The following ACACA variants were observed in gnomAD, a reference collection of about 807,000 sequenced individuals.
ACACA encodes acetyl-CoA carboxylase alpha.
ACACA carries 103 observed loss-of-function variants against 296.1 expected under a neutral mutation model. That is an observed-to-expected ratio of 0.35 (90% confidence interval 0.30 to 0.41). The LOEUF is 0.41. Ranked by LOEUF, ACACA falls within the 10% of genes least tolerant of loss-of-function variation. The pLI is 1.00. For synonymous variants in ACACA, 953 were observed against 1,038.6 expected, an observed-to-expected ratio of 0.92 and a Z score of 1.58; for missense variants, 1,554 against 2,989.7, an observed-to-expected ratio of 0.52 and a Z score of 11.20.
intron 1 of ACACA, among the ~76,000 whole-genome samples, chr17:37,346,105 G>C (rs981465097): frequency 1.3e-5 from 2 of 152,078 alleles, no homozygotes; most frequent in African/African-American, 2.4e-5. Context: ...AGGAAATACA[G>C]TTTTATAGTT....
At chr17:37,377,446 A>G (rs570309061) in intron 1 of ACACA, among the ~76,000 whole-genome samples, 2 of 152,040 alleles carry the variant, frequency 1.3e-5, no homozygotes, top group Admixed American at 6.6e-5. Context: ...GATCACCTGA[A>G]GTAAGGAGTT....
intron 52 of ACACA, among the ~76,000 whole-genome samples, chr17:37,099,474 G>C (rs2073193815): frequency 6.9e-6 from 1 of 145,438 alleles, no homozygotes. Context: ...GAGGGATGGA[G>C]GGCTGATGGG....
chr17:37,364,885 C>T (rs1018010120), intron 1 of ACACA, among the ~76,000 whole-genome samples: 1 of 152,178 alleles, frequency 6.6e-6, no homozygotes, highest in Non-Finnish European at 1.5e-5. Context: ...TTGGAAGTCC[C>T]ATTTTCTCCA....
intron 41 of ACACA, among the ~76,000 whole-genome samples, chr17:37,169,631 C>T (rs181023416): frequency 1.3e-5 from 2 of 151,996 alleles, no homozygotes; most frequent in African/African-American, 2.4e-5. Context: ...GATTTCATAT[C>T]GAAAATTCTA....
At chr17:37,371,066 G>A (rs956994137) in intron 1 of ACACA, among the ~76,000 whole-genome samples, 6 of 151,762 alleles carry the variant, frequency 4.0e-5, no homozygotes, top group Non-Finnish European at 5.9e-5. Context: ...TACATATATA[G>A]AGAGTTCAAT....
At chr17:37,395,887 A>G (rs1057456525) in intron 1 of ACACA, among the ~76,000 whole-genome samples, 4 of 152,234 alleles carry the variant, frequency 2.6e-5, no homozygotes, top group African/African-American at 9.6e-5. Context: ...ATACTTTTTG[A>G]TAGGCCCAAA....
chr17:37,364,960 G>C (rs2049554171), intron 1 of ACACA, among the ~76,000 whole-genome samples: 1 of 151,994 alleles, frequency 6.6e-6, no homozygotes, highest in African/African-American at 2.4e-5. Flanking sequence ...TAGCAATATG[G>C]TCATACCACA....
At chr17:37,224,039 T>TA (rs1445189723) in intron 27 of ACACA, among the ~76,000 whole-genome samples, 8 of 152,038 alleles carry the variant, frequency 5.3e-5, no homozygotes, top group African/African-American at 1.4e-4. Flanking sequence ...CTGTCTCTGT[T>TA]AAAAATACAA....
intron 1 of ACACA, among the ~76,000 whole-genome samples, chr17:37,343,707 T>A (rs2048486553): frequency 6.8e-6 from 1 of 147,952 alleles, no homozygotes; most frequent in Non-Finnish European, 1.5e-5. Flanking sequence ...GAGGTTGCAG[T>A]GAGCCAAGAT....
intron 1 of ACACA, among the ~76,000 whole-genome samples, chr17:37,366,467 A>G (rs2049605865): frequency 6.8e-6 from 1 of 146,094 alleles, no homozygotes; most frequent in Non-Finnish European, 1.5e-5. Flanking sequence ...TCACAATGTC[A>G]TGTCTTTTTT....
chr17:37,369,937 C>T (rs949874259), intron 1 of ACACA, among the ~76,000 whole-genome samples: 2 of 151,826 alleles, frequency 1.3e-5, no homozygotes, highest in Non-Finnish European at 2.9e-5. Flanking sequence ...AACTCCTGAC[C>T]TCAGGTGATC....
chr17:37,251,044 A>G (rs1377590378), intron 16 of ACACA, among the ~76,000 whole-genome samples: 1 of 152,204 alleles, frequency 6.6e-6, no homozygotes, highest in African/African-American at 2.4e-5. Flanking sequence ...AAAAAAATAA[A>G]AATAATAAAA....
intron 1 of ACACA, among the ~76,000 whole-genome samples, chr17:37,381,829 G>A (rs11651475): frequency 0.023 from 3,523 of 150,890 alleles, 108 homozygotes; most frequent in East Asian, 0.15. Flanking sequence ...GGGTTTCACC[G>A]TGTTGGCCAG....
At chr17:37,355,284 G>T (rs868673393) in intron 1 of ACACA, among the ~76,000 whole-genome samples, 1 of 148,782 alleles carries the variant, frequency 6.7e-6, no homozygotes, top group Non-Finnish European at 1.5e-5. Context: ...GTGGCCAGGC[G>T]CAGTGGCTCA....
intron 3 of ACACA, among the ~76,000 whole-genome samples, chr17:37,301,937 T>G (rs1424129418): frequency 6.6e-6 from 1 of 152,164 alleles, no homozygotes; most frequent in Admixed American, 6.6e-5. Flanking sequence ...CTCTAATCCA[T>G]GAACATGGAC....
chr17:37,190,981 CA>C, intron 38 of ACACA, 138 bp downstream of exon 38: 1 of 1,066,486 alleles, frequency 9.4e-7, no homozygotes, highest in South Asian at 1.5e-5. Flanking sequence ...ATCTTATAAA[CA>C]TTCTATAAAC....
At chr17:37,291,850 A>T (rs1165121247) in intron 3 of ACACA, among the ~76,000 whole-genome samples, 1 of 152,232 alleles carries the variant, frequency 6.6e-6, no homozygotes, top group Non-Finnish European at 1.5e-5. Context: ...TCTTATAGTT[A>T]TCAAAAAATT....
intron 16 of ACACA, among the ~76,000 whole-genome samples, chr17:37,249,818 C>G (rs751791671): frequency 1.2e-4 from 18 of 152,206 alleles, no homozygotes; most frequent in Non-Finnish European, 2.2e-4. Context: ...CCACTCAAAT[C>G]TCATCTTGAA....
At chr17:37,346,776 G>A (rs138774795) in intron 1 of ACACA, among the ~76,000 whole-genome samples, 3,121 of 150,568 alleles carry the variant, frequency 0.021, 79 homozygotes, top group African/African-American at 0.064. Context: ...TAGCCCCTTT[G>A]TTTTGGACAA....
Sources: gnomAD v4.1 joint callset for allele counts (sites outside exome capture counted in the v4.1 genomes callset) on GRCh38, gnomAD v4.1.1 for gene constraint, MANE v1.5 for transcripts, NCBI Gene and HGNC (gene_info 2026-07-23, HGNC 2026-07-21) for gene names.